The following PCSK5 variants were observed in gnomAD, a reference collection of about 807,000 sequenced individuals.
PCSK5 encodes proprotein convertase subtilisin/kexin type 5, also known as prohormone convertase 5.
A neutral mutation model predicts 233.2 loss-of-function variants in PCSK5; 129 were observed. The observed-to-expected ratio is 0.55, with a 90% CI of 0.48 to 0.64. PCSK5 has a LOEUF of 0.64. Ranked by LOEUF, PCSK5 falls within the 30% of genes least tolerant of loss-of-function variation. PCSK5 has a pLI of 0.00. For synonymous variants in PCSK5, 825 were observed against 879.2 expected, an observed-to-expected ratio of 0.94 and a Z score of 1.09; for missense variants, 2,076 against 2,430.1, an observed-to-expected ratio of 0.85 and a Z score of 3.06.
At chr9:75,894,039 G>T (rs1025702555) in intron 1 of PCSK5, among the ~76,000 whole-genome samples, 6 of 152,188 alleles carry the variant, frequency 3.9e-5, no homozygotes, top group Non-Finnish European at 8.8e-5. Context: ...CAGTAAACCA[G>T]CTGTGGATCA....
At chr9:76,289,962 T>C (rs1828228032) in intron 24 of PCSK5, among the ~76,000 whole-genome samples, 2 of 152,186 alleles carry the variant, frequency 1.3e-5, no homozygotes, top group African/African-American at 4.8e-5. Context: ...TTTAACATTT[T>C]CATCAGTGAC....
At chr9:76,117,785 C>G (rs1832486172) in intron 9 of PCSK5, among the ~76,000 whole-genome samples, 2 of 152,058 alleles carry the variant, frequency 1.3e-5, no homozygotes, top group Non-Finnish European at 1.5e-5. Context: ...TCAGTGAGCA[C>G]TCGAATTTAT....
At chr9:76,276,138 T>G (rs1484224962) in intron 24 of PCSK5, among the ~76,000 whole-genome samples, 2 of 152,304 alleles carry the variant, frequency 1.3e-5, no homozygotes, top group South Asian at 4.1e-4. Context: ...TTACTTTCTC[T>G]CAAATCTGAG....
At chr9:76,174,286 A>G (rs1016372929) in intron 13 of PCSK5, among the ~76,000 whole-genome samples, 11 of 152,080 alleles carry the variant, frequency 7.2e-5, no homozygotes, top group African/African-American at 2.7e-4. Context: ...ACTTATTAAC[A>G]AGTCAGATAA....
intron 1 of PCSK5, among the ~76,000 whole-genome samples, chr9:75,917,084 A>G (rs1823032917): frequency 6.6e-6 from 1 of 150,754 alleles, no homozygotes; most frequent in Admixed American, 6.7e-5. Flanking sequence ...CAGGAGAATC[A>G]CTTGAACCTG....
intron 20 of PCSK5, among the ~76,000 whole-genome samples, chr9:76,199,276 A>G (rs536978363): frequency 6.6e-6 from 1 of 152,310 alleles, no homozygotes; most frequent in East Asian, 1.9e-4. Flanking sequence ...CGTACTGAAT[A>G]CTGCATGCAG....
chr9:76,347,075 T>C (rs1829999176), intron 35 of PCSK5, among the ~76,000 whole-genome samples: 2 of 47,744 alleles, frequency 4.2e-5, no homozygotes, highest in East Asian at 1.9e-3. Context: ...TTATTTTTTC[T>C]ATTTTTTTTT....
At chr9:76,250,131 C>A (rs1018817184) in intron 24 of PCSK5, among the ~76,000 whole-genome samples, 5 of 152,054 alleles carry the variant, frequency 3.3e-5, no homozygotes, top group African/African-American at 1.2e-4. Context: ...ATGGTGAAAC[C>A]CTGTCTCTAA....
intron 5 of PCSK5, among the ~76,000 whole-genome samples, chr9:76,027,390 C>G (rs1240929344): frequency 6.6e-6 from 1 of 151,908 alleles, no homozygotes; most frequent in African/African-American, 2.4e-5. Flanking sequence ...TTATTTTGTT[C>G]TGTTAAATTC....
At chr9:75,942,282 G>A (rs1328848366) in intron 2 of PCSK5, among the ~76,000 whole-genome samples, 2 of 152,220 alleles carry the variant, frequency 1.3e-5, no homozygotes, top group Admixed American at 1.3e-4. Context: ...TAGTTCAAAA[G>A]TTTAAAAATA....
chr9:76,219,112 A>G (rs989225290), intron 20 of PCSK5, among the ~76,000 whole-genome samples: 18 of 152,306 alleles, frequency 1.2e-4, no homozygotes, highest in African/African-American at 4.3e-4. Context: ...CTAGAGCCCC[A>G]GGCCTTGGTA....
Position 76,358,508 on chromosome 9 carries a change from A to T in PCSK5, c.5255-5A>T. The T allele has an allele frequency of 6.2e-7, 1 of 1,605,086 alleles. No individual in the cohort carries two copies. The highest frequency in any genetic ancestry group is 1.1e-5 in the South Asian group (1 of 90,934). On this transcript the variant is annotated splice_polypyrimidine_tract_variant and splice_region_variant and intron_variant, in intron 37 of 37. Transcript: ENST00000674117. ...GCCTCTTCCTTTGAGGTCTTCTTCC[A>T]ACAGACGAATGCATCCTTCGAACAA...
At chr9:76,240,061 A>G (rs1241054427) in intron 23 of PCSK5, among the ~76,000 whole-genome samples, 1 of 152,212 alleles carries the variant, frequency 6.6e-6, no homozygotes. Context: ...ATTAAAAAAC[A>G]ACACTTATAG....
At chr9:76,319,764 G>C (rs1471194550) in intron 30 of PCSK5, among the ~76,000 whole-genome samples, 1 of 152,168 alleles carries the variant, frequency 6.6e-6, no homozygotes, top group Non-Finnish European at 1.5e-5. Context: ...CTGTGCTTCG[G>C]TGGTCACACT....
At chr9:76,249,497 T>G (rs1044865301) in intron 24 of PCSK5, among the ~76,000 whole-genome samples, 1 of 152,170 alleles carries the variant, frequency 6.6e-6, no homozygotes, top group Non-Finnish European at 1.5e-5. Flanking sequence ...CAGTGCTCTA[T>G]GTCTGAAGTG....
At chr9:75,891,806 G>A (rs1054217620) in intron 1 of PCSK5, among the ~76,000 whole-genome samples, 2 of 152,086 alleles carry the variant, frequency 1.3e-5, no homozygotes, top group African/African-American at 4.8e-5. Flanking sequence ...TGCCTGCGGG[G>A]AAGGGAAAGC....
intron 9 of PCSK5, among the ~76,000 whole-genome samples, chr9:76,119,932 T>TC (rs1487941383): frequency 6.6e-6 from 1 of 151,870 alleles, no homozygotes; most frequent in African/African-American, 2.4e-5. Context: ...CATTTCTACC[T>TC]CCCCCCAGCA....
chr9:76,195,661 A>C (rs1449449990), intron 20 of PCSK5: 1 of 152,192 alleles, frequency 6.6e-6, no homozygotes, highest in East Asian at 1.9e-4. Flanking sequence ...CAAATGCTCT[A>C]ACCTTCTAGA....
rs190102641 is a variant in PCSK5, at chr9:76,116,460, A to G, written c.1208+9109A>G. 3.8e-3 allele frequency among the ~76,000 whole-genome samples: 581 copies of G among 152,246 alleles called. 3 individuals are homozygous for G. Among genetic ancestry groups the G allele is most frequent in the Middle Eastern group, 0.027 (8 of 294 alleles). On this transcript the variant is annotated intron_variant, in intron 9 of 37. Coordinates refer to ENST00000674117, the MANE Select transcript of PCSK5 (RefSeq NM_001372043.1). ...ACGCAATAAGTCTGTGACACCTGGT[A>G]GTATCATCCCTACCAGTAAAGACTG... is the stretch of plus-strand genomic sequence containing the variant.
Sources: allele counts gnomAD v4.1 joint callset (sites outside exome capture counted in the v4.1 genomes callset), GRCh38; gene constraint gnomAD v4.1.1; transcripts MANE v1.5; gene names NCBI Gene and HGNC (gene_info 2026-07-23, HGNC 2026-07-21).